ALK: variants seen among roughly 807,000 people sequenced by gnomAD.
The protein encoded by ALK is ALK receptor tyrosine kinase, also known as ALK tyrosine kinase receptor.
A neutral mutation model predicts 163.1 loss-of-function variants in ALK; 74 were observed. The ratio of observed to expected loss-of-function variants is 0.45; its 90% CI spans 0.38 to 0.55. The LOEUF (loss-of-function observed/expected upper bound fraction) is 0.55. ALK is among the 20% of genes least tolerant of loss of function. The pLI, the probability that ALK is intolerant of heterozygous loss-of-function variation, is 0.00. For missense variants in ALK, 2,063 were observed against 2,105.3 expected (o/e 0.98, Z 0.39); for synonymous variants, 960 against 843.2 (o/e 1.14, Z -2.40).
rs755804208 is a variant in ALK at position 29,225,470 on chromosome 2, T to A, written c.3163A>T (p.Ile1055Phe). The change falls in exon 19 of 29, where the codon ATC becomes TTC. Residue 1055 changes from isoleucine to phenylalanine, a missense_variant. Coordinates refer to ENST00000389048, the MANE Select transcript of ALK (RefSeq NM_004304.5). ...VAALVLAFSG[I>F]MIVYRRKHQE... ...GGCTCTGTGCACTCACCAATCATGA[T>A]GCCGGAGAAAGCCAGGACCAGGGCG... The A allele has an allele frequency of 6.2e-7, 1 of 1,612,626 alleles. No homozygotes were observed. Among genetic ancestry groups the A allele is most frequent in the Non-Finnish European group, 8.5e-7 (1 of 1,179,646 alleles).
intron 3 of ALK, among the ~76,000 whole-genome samples, chr2:29,639,973 A>G (rs541276039): frequency 6.6e-6 from 1 of 152,330 alleles, no homozygotes; most frequent in Admixed American, 6.5e-5. Flanking sequence ...TTGACGTTCA[A>G]CTTAGGGATA....
intron 11 of ALK, among the ~76,000 whole-genome samples, chr2:29,274,118 C>T (rs1665466305): frequency 1.3e-5 from 2 of 152,204 alleles, no homozygotes; most frequent in Non-Finnish European, 2.9e-5. Context: ...ACGGTTAGCC[C>T]TGGGGCAGCT....
intron 5 of ALK, among the ~76,000 whole-genome samples, chr2:29,370,080 G>A (rs371701615): frequency 2.6e-5 from 4 of 152,178 alleles, no homozygotes; most frequent in South Asian, 4.1e-4. Flanking sequence ...GAAAGACATC[G>A]ATCCTGTGAT....
At chr2:29,341,528 TC>T (rs1256265184) in intron 5 of ALK, among the ~76,000 whole-genome samples, 1 of 152,144 alleles carries the variant, frequency 6.6e-6, no homozygotes, top group Non-Finnish European at 1.5e-5. Flanking sequence ...GGAGGGAGGA[TC>T]GCTTTAGCCT....
At chr2:29,519,802 G>A (rs972704979) in intron 4 of ALK, among the ~76,000 whole-genome samples, 2 of 152,198 alleles carry the variant, frequency 1.3e-5, no homozygotes, top group East Asian at 1.9e-4. Context: ...GCCTGCAGGT[G>A]AACATCCAGC....
At chr2:29,593,843 C>G (rs1675129122) in intron 3 of ALK, among the ~76,000 whole-genome samples, 1 of 152,212 alleles carries the variant, frequency 6.6e-6, no homozygotes, top group Admixed American at 6.5e-5. Context: ...GAGTGTTGAG[C>G]TGAAGCTGAC....
chr2:29,217,086 G>GT (rs1669645485), intron 23 of ALK, among the ~76,000 whole-genome samples: 1 of 144,022 alleles, frequency 6.9e-6, no homozygotes, highest in Admixed American at 6.9e-5. Flanking sequence ...GTATGTAAGT[G>GT]GTATATGTCT....
intron 1 of ALK, among the ~76,000 whole-genome samples, chr2:29,907,867 G>A (rs984294672): frequency 1.3e-5 from 2 of 151,910 alleles, no homozygotes; most frequent in African/African-American, 4.8e-5. Context: ...CCAACCACTT[G>A]CCCCTCAAAC....
chr2:29,614,766 C>T (rs1225724194), intron 3 of ALK, among the ~76,000 whole-genome samples: 4 of 152,126 alleles, frequency 2.6e-5, no homozygotes, highest in Non-Finnish European at 4.4e-5. Flanking sequence ...TCAGTTTGGC[C>T]AGAATCCCCC....
At chr2:29,519,826 G>T (rs1343973621) in intron 4 of ALK, among the ~76,000 whole-genome samples, 1 of 152,192 alleles carries the variant, frequency 6.6e-6, no homozygotes, top group Non-Finnish European at 1.5e-5. Flanking sequence ...CTGCCGATTA[G>T]AATTTCATGC....
At chr2:29,475,255 C>G (rs1671484713) in intron 4 of ALK, among the ~76,000 whole-genome samples, 1 of 152,156 alleles carries the variant, frequency 6.6e-6, no homozygotes, top group Admixed American at 6.5e-5. Flanking sequence ...GCTGGAAGAC[C>G]TCAGGCCTCA....
chr2:29,214,519 G>A (rs1573109736), intron 23 of ALK, among the ~76,000 whole-genome samples: 3 of 152,120 alleles, frequency 2.0e-5, no homozygotes, highest in Admixed American at 1.3e-4. Flanking sequence ...AAAAATCCTC[G>A]ATTTAAATGT....
At chr2:29,481,148 A>T (rs897914292) in intron 4 of ALK, among the ~76,000 whole-genome samples, 2 of 152,242 alleles carry the variant, frequency 1.3e-5, no homozygotes, top group African/African-American at 4.8e-5. Context: ...AGTTTCAGTC[A>T]TTCACCCAAG....
chr2:29,310,334 C>T (rs947621447), intron 8 of ALK, among the ~76,000 whole-genome samples: 3 of 152,152 alleles, frequency 2.0e-5, no homozygotes, highest in African/African-American at 7.2e-5. Context: ...AGGTGAAATG[C>T]TTAGCATAGT....
intron 4 of ALK, among the ~76,000 whole-genome samples, chr2:29,413,855 A>G (rs976697084): frequency 5.3e-5 from 8 of 152,110 alleles, no homozygotes; most frequent in Non-Finnish European, 1.2e-4. Context: ...TTTAGTCGAG[A>G]CGGGGTTTCG....
chr2:29,363,573 A>G (rs574622236), intron 5 of ALK, among the ~76,000 whole-genome samples: 21 of 152,308 alleles, frequency 1.4e-4, no homozygotes, highest in South Asian at 6.2e-4. Context: ...CCAGGACTGT[A>G]TGGCTACCTA....
rs570797931 is a variant in ALK, at chr2:29,209,537, C to T, written c.3836+249G>A. On this transcript the variant is annotated intron_variant, in intron 25 of 28. Transcript: ENST00000389048. ...AGCCTGGGCAACAAGAGCGAAACTC[C>T]GTCTCAAAAAAAAAAAAAAAAAAAA... Among the ~76,000 whole-genome samples the T allele has an allele frequency of 4.8e-4, 62 of 129,748 alleles. No individual in the cohort carries two copies. In the South Asian group the frequency reaches 8.3e-3, roughly 17 times the overall value. The allele number at this position is 129,748 out of a possible 152,430, so 85.1% of individuals were successfully genotyped here. A position where few individuals can be genotyped will look rare whatever the true frequency, so the allele number is the denominator to read the frequency against.
intron 4 of ALK, among the ~76,000 whole-genome samples, chr2:29,425,019 G>A (rs1573342484): frequency 1.3e-5 from 2 of 152,250 alleles, no homozygotes; most frequent in South Asian, 4.1e-4. Context: ...ATAAAGAATT[G>A]CAGAGGGATT....
At chr2:29,811,541 G>A (rs1187335835) in intron 1 of ALK, among the ~76,000 whole-genome samples, 1 of 152,164 alleles carries the variant, frequency 6.6e-6, no homozygotes, top group East Asian at 1.9e-4. Context: ...TCAGGTTTGT[G>A]ACTCACTGAC....
Sources: allele counts gnomAD v4.1 joint callset (sites outside exome capture counted in the v4.1 genomes callset), GRCh38; gene constraint gnomAD v4.1.1; transcripts MANE v1.5; gene names NCBI Gene and HGNC (gene_info 2026-07-23, HGNC 2026-07-21).